TLN2: variants seen among roughly 807,000 people sequenced by gnomAD.
TLN2 encodes talin 2.
TLN2 carries 118 observed loss-of-function variants against 294.7 expected under a neutral mutation model. The ratio of observed to expected loss-of-function variants is 0.40; its 90% CI spans 0.34 to 0.47. The LOEUF is 0.47. Among genes scored for constraint, TLN2 ranks in the 20% least tolerant of loss-of-function variants. The pLI, the probability that TLN2 is intolerant of heterozygous loss-of-function variation, is 0.84. For missense variants in TLN2, 3,083 were observed against 3,282.2 expected (o/e 0.94, Z 1.48); for synonymous variants, 1,431 against 1,304.5 (o/e 1.10, Z -2.09).
intron 3 of TLN2, chr15:62,638,500 A>G (rs1433156061): frequency 2.2e-6 from 1 of 455,840 alleles, no homozygotes; most frequent in Non-Finnish European, 4.4e-6. Flanking sequence ...GGAGGACTCT[A>G]ATGAACCGTG....
intron 1 of TLN2, among the ~76,000 whole-genome samples, chr15:62,560,594 G>A (rs1042635522): frequency 2.0e-5 from 3 of 152,204 alleles, no homozygotes; most frequent in African/African-American, 7.2e-5. Context: ...CCAAAGTGCT[G>A]GGATTACAGG....
At chr15:62,757,210 A>G (rs1300486170) in intron 37 of TLN2, among the ~76,000 whole-genome samples, 2 of 152,238 alleles carry the variant, frequency 1.3e-5, no homozygotes, top group Non-Finnish European at 2.9e-5. Context: ...GTGGTGGGGC[A>G]GAATTCAAAC....
rs2061140126 is a variant in TLN2, at chr15:62,738,342, T to G, written c.3687+9T>G. ...AGCTGCTTGTGGATTCGGTGAGAGG[T>G]TCTTAGATTGAGAAAGGACACTGGG... On this transcript the variant is annotated intron_variant, in intron 30 of 58. Transcript: ENST00000636159. 6.2e-7 allele frequency: 1 copy of G among 1,612,876 alleles called. No individual in the cohort carries two copies. Among genetic ancestry groups the G allele is most frequent in the Admixed American group, 1.7e-5 (1 of 59,950 alleles).
chr15:62,714,969 A>G (rs1274487068), intron 22 of TLN2, among the ~76,000 whole-genome samples: 2 of 152,278 alleles, frequency 1.3e-5, no homozygotes, highest in African/African-American at 2.4e-5. Flanking sequence ...ATAAAGGAGC[A>G]GCTTAGAAAA....
At chr15:62,750,584 G>C in intron 34 of TLN2, 93 bp downstream of exon 34, 1 of 1,072,432 alleles carries the variant, frequency 9.3e-7, no homozygotes, top group Non-Finnish European at 1.4e-6. Context: ...GCCTGTGGCT[G>C]GTCTGCAGGG....
intron 1 of TLN2, among the ~76,000 whole-genome samples, chr15:62,416,012 A>G (rs143092876): frequency 1.4e-4 from 22 of 152,316 alleles, no homozygotes; most frequent in Admixed American, 3.9e-4. Flanking sequence ...ATTAAAAACA[A>G]AGTTGGTTGG....
rs754158751 is a variant in TLN2 at position 62,762,306 on chromosome 15, C to T, written c.4814C>T (p.Ala1605Val). The part of the protein sequence containing the change: ...SQAQEPILVS[A>V]KTMLESSSYL... ...GCACAGGAACCAATCCTGGTCTCAG[C>T]CAAGACCATGCTGGAGAGTTCATCG... The change falls in exon 39 of 59, where the codon GCC (alanine) becomes GTC (valine). Residue 1605 changes from alanine (A) to valine (V), a missense_variant. By Grantham distance (64) the Ala-to-Val change is moderately conservative (BLOSUM62 0). Coordinates refer to ENST00000636159, the MANE Select transcript of TLN2 (RefSeq NM_015059.3). 4.3e-6 allele frequency: 7 copies of T among 1,614,188 alleles called. No homozygotes were observed. In the Admixed American group the frequency reaches 1.0e-4, roughly 23 times the overall value.
chr15:62,427,458 T>G (rs2034776594), intron 1 of TLN2, among the ~76,000 whole-genome samples: 1 of 151,948 alleles, frequency 6.6e-6, no homozygotes, highest in African/African-American at 2.4e-5. Context: ...GCCCCCCAAG[T>G]GGGACTTGAA....
At chr15:62,705,441 T>C (rs1044191355) in intron 19 of TLN2, among the ~76,000 whole-genome samples, 1 of 152,272 alleles carries the variant, frequency 6.6e-6, no homozygotes, top group African/African-American at 2.4e-5. Context: ...TTGAAAATTT[T>C]GACAAAGGCC....
chr15:62,738,311 G>T lies in TLN2; in HGVS notation c.3665G>T (p.Ser1222Ile), dbSNP rs1267345103. The T allele has an allele frequency of 6.2e-7, 1 of 1,614,038 alleles. No individual in the cohort carries two copies. The highest frequency in any genetic ancestry group is 1.7e-5 in the Admixed American group (1 of 60,030). The change falls in exon 30 of 59, where the codon AGC becomes ATC. Residue 1222 changes from serine to isoleucine, a missense_variant. Coordinates refer to ENST00000636159, the MANE Select transcript of TLN2 (RefSeq NM_015059.3). ...DVALKSIGESSKKLLVDSLPP... is the reference protein window; with the variant it reads ...DVALKSIGESIKKLLVDSLPP... Reference sequence around the variant, plus strand: ...GCCTTGAAGAGCATCGGGGAGTCCAGCAAGAAGCTGCTTGTGGATTCGGTG... The same window carrying T: ...GCCTTGAAGAGCATCGGGGAGTCCATCAAGAAGCTGCTTGTGGATTCGGTG...
At chr15:62,408,851 G>T (rs2033586859) in intron 1 of TLN2, among the ~76,000 whole-genome samples, 1 of 151,714 alleles carries the variant, frequency 6.6e-6, no homozygotes, top group Admixed American at 6.6e-5. Context: ...GTAGAGACTA[G>T]GTCTTGCTTT....
At chr15:62,741,767 G>GTGTGTGTGTGTGTGTGTGTGTC (rs1353440110) in intron 32 of TLN2, among the ~76,000 whole-genome samples, 1 of 151,560 alleles carries the variant, frequency 6.6e-6, no homozygotes, top group African/African-American at 2.4e-5. Context: ...GTGTGTGTGT[G>GTGTGTGTGTGTGTGTGTGTGTC]TCTTTATGTC....
In TLN2 at chr15:62,676,303, C is replaced by G. The variant is rs553991318; in HGVS notation, c.957+982C>G. Reference sequence around the variant, plus strand: ...GCATCAGAAAGCCATATACTGCATGCTGATTAGTTATTAATACATTAACCA... The same window carrying G: ...GCATCAGAAAGCCATATACTGCATGGTGATTAGTTATTAATACATTAACCA... On this transcript the variant is annotated intron_variant, in intron 11 of 58. Coordinates refer to ENST00000636159, the MANE Select transcript of TLN2 (RefSeq NM_015059.3). 6.6e-5 allele frequency among the ~76,000 whole-genome samples: 10 copies of G among 152,284 alleles called. No homozygotes were observed. The South Asian group carries it at 1.0e-3, about 16-fold the overall frequency.
intron 2 of TLN2, among the ~76,000 whole-genome samples, chr15:62,614,022 C>T (rs973187669): frequency 1.3e-5 from 2 of 152,146 alleles, no homozygotes; most frequent in Admixed American, 1.3e-4. Flanking sequence ...ACTTTTGAAG[C>T]TAATGGCTGT....
At position 62,800,237 on chromosome 15, in the gene TLN2, C is replaced by T. The variant is rs1037342557; in HGVS notation, c.6235-131C>T. ...CAAGGGTGGCTTCCCAGGAGGTCTG[C>T]CATGCTGCAGACTTCAGACTGTCTT... On this transcript the variant is annotated intron_variant, in intron 48 of 58. Transcript: ENST00000636159. The T allele has an allele frequency of 2.8e-6, 4 of 1,423,926 alleles. No homozygotes were observed. The African/African-American group carries it at 5.7e-5, about 20-fold the overall frequency. 88.2% of individuals were successfully genotyped at this position (1,423,926 alleles called of 1,614,324 possible). A position where few individuals can be genotyped will look rare whatever the true frequency, so the allele number is the denominator to read the frequency against.
rs560037610 is a variant in TLN2 at position 62,579,414 on chromosome 15, C to T, written c.-237-10273C>T. On this transcript the variant is annotated intron_variant, in intron 1 of 58. Coordinates refer to ENST00000636159, the MANE Select transcript of TLN2 (RefSeq NM_015059.3). ...ATGGAAAGTGAGTATTCCTGATTTC[C>T]GCATTATGTATACCTGAGTATCTAA... Among the ~76,000 whole-genome samples the T allele has an allele frequency of 9.9e-5, 15 of 152,240 alleles. No individual in the cohort carries two copies. In the South Asian group the frequency reaches 2.5e-3, roughly 25 times the overall value.
intron 1 of TLN2, among the ~76,000 whole-genome samples, chr15:62,440,170 G>T (rs1474414770): frequency 6.6e-6 from 1 of 152,160 alleles, no homozygotes; most frequent in Non-Finnish European, 1.5e-5. Context: ...CCTCGATCTC[G>T]TGGTCTTCCT....
chr15:62,625,770 G>C (rs953362691), intron 3 of TLN2, among the ~76,000 whole-genome samples: 4 of 152,222 alleles, frequency 2.6e-5, no homozygotes, highest in African/African-American at 9.6e-5. Context: ...CTGGGCTTCT[G>C]TGTTGCCAGC....
chr15:62,828,623 G>C (rs567322568), intron 54 of TLN2: 33 of 152,306 alleles, frequency 2.2e-4, no homozygotes, highest in African/African-American at 7.7e-4. Context: ...ACAACTCAAG[G>C]CCTCAAACAG....
Sources: allele counts gnomAD v4.1 joint callset (sites outside exome capture counted in the v4.1 genomes callset), GRCh38; gene constraint gnomAD v4.1.1; transcripts MANE v1.5; gene names NCBI Gene and HGNC (gene_info 2026-07-23, HGNC 2026-07-21).